The following MAST2 variants were observed in gnomAD, a reference collection of about 807,000 sequenced individuals.
MAST2 encodes the protein microtubule-associated serine/threonine-protein kinase 2.
MAST2 carries 70 observed loss-of-function variants against 147.4 expected under a neutral mutation model. That is an observed-to-expected ratio of 0.47 (90% CI 0.39 to 0.58). MAST2 has a LOEUF of 0.58. MAST2 is among the 20% of genes least tolerant of loss of function. The probability of loss-of-function intolerance (pLI) is 0.00; values close to 1 mark genes in which losing one functional copy is unlikely to be tolerated. For missense variants in MAST2, 2,080 were observed against 2,302.3 expected (o/e 0.90, Z 1.98); for synonymous variants, 869 against 896.8 (o/e 0.97, Z 0.55).
Position 46,029,562 on chromosome 1 carries a change from G to A in MAST2, c.2315G>A (p.Gly772Asp). 6.2e-7 allele frequency: 1 copy of A among 1,613,874 alleles called. No individual in the cohort carries two copies. The highest frequency in any genetic ancestry group is 8.5e-7 in the Non-Finnish European group (1 of 1,179,864). Residue 772 changes from glycine (G) to aspartate (D), a missense_variant, in exon 19 of 29, where the codon GGC becomes GAC. This residue lies in a region of MAST2 where 209 missense variants were observed against 309.5 expected (regional missense o/e 0.68). Transcript: ENST00000361297. ...CACCAGAACCCTCTGGAGAGACTTG[G>A]CACAGGTAGGGCAGGCCCTGCTAAC... ...LLHQNPLERL[G>D]TGSAYEVKQH...
intron 4 of MAST2, among the ~76,000 whole-genome samples, chr1:45,935,397 A>G (rs527240323): frequency 5.9e-5 from 9 of 152,226 alleles, no homozygotes; most frequent in Middle Eastern, 3.4e-3. Context: ...TCTTTAGTCT[A>G]ATTAGGTCCC....
Position 46,030,137 on chromosome 1 carries a change from G to C in MAST2, c.2452G>C (p.Glu818Gln). Residue 818 changes from glutamate to glutamine, a missense_variant, in exon 21 of 29, where the codon GAG (glutamate) becomes CAG (glutamine). Transcript: ENST00000361297. ...DDTSYFDTRS[E>Q]RYHHMDSEDE... Reference sequence around the variant, plus strand: ...CTTTATGTCTGGCCCAGCCCGCTCAGAGCGATACCACCACATGGACTCGGA... The same window carrying C: ...CTTTATGTCTGGCCCAGCCCGCTCACAGCGATACCACCACATGGACTCGGA... The C allele has an allele frequency of 6.2e-6, 10 of 1,614,240 alleles. No individual in the cohort carries two copies. The highest frequency in any genetic ancestry group is 8.5e-6 in the Non-Finnish European group (10 of 1,180,046).
chr1:45,998,436 T>C (rs1170496701), intron 6 of MAST2, among the ~76,000 whole-genome samples: 1 of 152,262 alleles, frequency 6.6e-6, no homozygotes, highest in African/African-American at 2.4e-5. Context: ...CGCTGACAGC[T>C]CTGCCTGTGG....
At chr1:45,962,333 G>A (rs1353459504) in intron 5 of MAST2, among the ~76,000 whole-genome samples, 2 of 151,962 alleles carry the variant, frequency 1.3e-5, no homozygotes, top group South Asian at 2.1e-4. Context: ...CTAGATCCCT[G>A]AGGAATCGCC....
chr1:45,815,243 C>T (rs371862863), intron 1 of MAST2, among the ~76,000 whole-genome samples: 1 of 145,706 alleles, frequency 6.9e-6, no homozygotes, highest in East Asian at 2.0e-4. Flanking sequence ...GATCTCGGTT[C>T]ACTGCAACCT....
intron 3 of MAST2, among the ~76,000 whole-genome samples, chr1:45,844,026 AC>A (rs1645354518): frequency 6.6e-6 from 1 of 152,220 alleles, no homozygotes; most frequent in African/African-American, 2.4e-5. Flanking sequence ...AATTTAAGAT[AC>A]CTTAAAAATA....
chr1:45,895,384 C>T (rs1481638081), intron 4 of MAST2, among the ~76,000 whole-genome samples: 1 of 152,144 alleles, frequency 6.6e-6, no homozygotes, highest in African/African-American at 2.4e-5. Context: ...CAGTGTCCCA[C>T]TCTGCTGCCA....
At chr1:45,814,550 A>G (rs1052109170) in intron 1 of MAST2, among the ~76,000 whole-genome samples, 14 of 152,158 alleles carry the variant, frequency 9.2e-5, no homozygotes, top group Non-Finnish European at 1.8e-4. Context: ...AAACACATAC[A>G]CCAAGGCGGG....
At chr1:46,027,960 G>A in intron 17 of MAST2, 97 bp downstream of exon 17, 2 of 1,490,892 alleles carry the variant, frequency 1.3e-6, no homozygotes, top group South Asian at 2.5e-5. Flanking sequence ...GGGAGGCTGA[G>A]GCAGGAGGAT....
intron 2 of MAST2, among the ~76,000 whole-genome samples, chr1:45,828,100 G>A (rs1644847599): frequency 6.6e-6 from 1 of 151,954 alleles, no homozygotes; most frequent in Non-Finnish European, 1.5e-5. Flanking sequence ...CAAAATGCTG[G>A]GATTACATGT....
chr1:45,833,259 C>G (rs1340125638), intron 3 of MAST2, among the ~76,000 whole-genome samples: 1 of 151,736 alleles, frequency 6.6e-6, no homozygotes, highest in Non-Finnish European at 1.5e-5. Context: ...CTTATTTTTC[C>G]CATATATGTA....
At chr1:45,981,708 G>A (rs1644413252) in intron 5 of MAST2, among the ~76,000 whole-genome samples, 1 of 152,174 alleles carries the variant, frequency 6.6e-6, no homozygotes, top group Non-Finnish European at 1.5e-5. Context: ...AAGCAAGATG[G>A]AGTTGGTTAG....
At chr1:45,921,409 C>T (rs1276698312) in intron 4 of MAST2, among the ~76,000 whole-genome samples, 1 of 152,128 alleles carries the variant, frequency 6.6e-6, no homozygotes, top group Non-Finnish European at 1.5e-5. Context: ...TTTGCTCAGG[C>T]CTGCTGGGCC....
chr1:45,827,094 C>T (rs2147788882), intron 2 of MAST2, among the ~76,000 whole-genome samples: 1 of 152,298 alleles, frequency 6.6e-6, no homozygotes, highest in South Asian at 2.1e-4. Context: ...TCCCAAAGTG[C>T]TGGAATTACA....
At chr1:46,018,217 C>T (rs879329543) in intron 10 of MAST2, among the ~76,000 whole-genome samples, 1 of 152,156 alleles carries the variant, frequency 6.6e-6, no homozygotes, top group Admixed American at 6.5e-5. Flanking sequence ...CCTGGTCTCC[C>T]CTTTCTCTTT....
chr1:45,857,975 G>A (rs1228907114), intron 3 of MAST2, among the ~76,000 whole-genome samples: 1 of 150,812 alleles, frequency 6.6e-6, no homozygotes, highest in Admixed American at 6.7e-5. Flanking sequence ...GTATTCCATG[G>A]TGTATATGTG....
chr1:45,851,278 G>A lies in MAST2; in HGVS notation c.468+21697G>A, dbSNP rs538074758. Among the ~76,000 whole-genome samples the A allele has an allele frequency of 2.6e-5, 4 of 152,120 alleles. No homozygotes were observed. In the East Asian group the frequency reaches 5.8e-4, roughly 22 times the overall value. Reference sequence around the variant, plus strand: ...TCTTTACTTGGCTCTCAGCTTGAATGTTACTGGTATATAGAATTGCTACTG... The same window carrying A: ...TCTTTACTTGGCTCTCAGCTTGAATATTACTGGTATATAGAATTGCTACTG... On this transcript the variant is annotated intron_variant, in intron 3 of 28. Transcript: ENST00000361297.
chr1:45,960,090 G>A (rs574213867), intron 5 of MAST2, among the ~76,000 whole-genome samples: 2 of 152,260 alleles, frequency 1.3e-5, no homozygotes, highest in African/African-American at 4.8e-5. Flanking sequence ...GTTTCATAAT[G>A]ATACTGATAT....
At chr1:46,017,624 T>A (rs1381384144) in intron 10 of MAST2, among the ~76,000 whole-genome samples, 2 of 151,846 alleles carry the variant, frequency 1.3e-5, no homozygotes, top group South Asian at 2.1e-4. Flanking sequence ...TGAGATACCA[T>A]CTCACACCAG....
Sources: gnomAD v4.1 joint callset for allele counts (sites outside exome capture counted in the v4.1 genomes callset) on GRCh38, gnomAD v4.1.1 for gene constraint, gnomAD v4.1.1 regional missense constraint, MANE v1.5 for transcripts, NCBI Gene and HGNC (gene_info 2026-07-23, HGNC 2026-07-21) for gene names.